GPCPD1: variants seen among roughly 807,000 people sequenced by gnomAD.
GPCPD1 encodes glycerophosphocholine phosphodiesterase GPCPD1.
GPCPD1 carries 29 observed loss-of-function variants against 89.2 expected under a neutral mutation model. That is an observed-to-expected ratio of 0.33 (90% CI 0.24 to 0.44). GPCPD1 has a LOEUF of 0.44. Ranked by LOEUF, GPCPD1 falls within the 20% of genes least tolerant of loss-of-function variation. The pLI is 1.00. For missense variants in GPCPD1, 594 were observed against 808.9 expected (o/e 0.73, Z 3.22); for synonymous variants, 258 against 266.3 (o/e 0.97, Z 0.30).
intron 4 of GPCPD1, among the ~76,000 whole-genome samples, chr20:5,586,938 G>A (rs1978967774): frequency 6.6e-6 from 1 of 152,046 alleles, no homozygotes; most frequent in African/African-American, 2.4e-5. Flanking sequence ...ACTAACATCC[G>A]GTTTCATTCT....
At chr20:5,577,327 G>GT (rs904509189) in intron 8 of GPCPD1, among the ~76,000 whole-genome samples, 12 of 150,900 alleles carry the variant, frequency 8.0e-5, no homozygotes, top group Non-Finnish European at 1.0e-4. Flanking sequence ...GGCCAAAAAC[G>GT]TTTTTTTTAA....
intron 12 of GPCPD1, 103 bp downstream of exon 12, chr20:5,570,044 A>T: frequency 1.8e-6 from 1 of 559,186 alleles, no homozygotes; most frequent in South Asian, 2.7e-5. Flanking sequence ...AAAATGAATT[A>T]ACCAATTCTA....
In GPCPD1 at chr20:5,561,706, A is replaced by G. The variant is rs1051181406; in HGVS notation, c.1330-176T>C. 2.0e-5 allele frequency among the ~76,000 whole-genome samples: 3 copies of G among 152,250 alleles called. No homozygotes were observed. In the East Asian group the frequency reaches 5.8e-4, roughly 29 times the overall value. On this transcript the variant is annotated intron_variant, in intron 15 of 19. Transcript: ENST00000379019. The stretch of plus-strand genomic sequence containing the variant: ...CATACTCAAAGTGACAACCTGGTAG[A>G]TGATTATGTTAAATAAGGTCAAAAG...
At chr20:5,593,154 T>G (rs1056939690) in intron 4 of GPCPD1, among the ~76,000 whole-genome samples, 173 bp downstream of exon 4, 31 of 152,214 alleles carry the variant, frequency 2.0e-4, no homozygotes, top group Admixed American at 1.2e-3. Flanking sequence ...ATGGCAGACA[T>G]CATCTGCCTC....
At position 5,565,084 on chromosome 20, in the gene GPCPD1, AT is replaced by A; in HGVS notation, c.1268-7del. 1 of 1,445,036 alleles carries A rather than the reference AT, an allele frequency of 6.9e-7. No individual in the cohort carries two copies. The highest frequency in any genetic ancestry group is 9.7e-7 in the Non-Finnish European group (1 of 1,026,890). 89.5% of individuals were successfully genotyped at this position (1,445,036 alleles called of 1,614,324 possible). On this transcript the variant is annotated splice_polypyrimidine_tract_variant and splice_region_variant and intron_variant, in intron 14 of 19. Transcript: ENST00000379019. ...TTCCTCCTGAACCACAGATTCTGAA[AT>A]TTTAAAACACAAAATCTCAGTAAAT...
At chr20:5,552,115 A>G (rs1022332777) in intron 19 of GPCPD1, among the ~76,000 whole-genome samples, 3 of 152,178 alleles carry the variant, frequency 2.0e-5, no homozygotes, top group Non-Finnish European at 4.4e-5. Flanking sequence ...TTATTATAAG[A>G]CTTATCAAAC....
intron 19 of GPCPD1, among the ~76,000 whole-genome samples, chr20:5,553,980 TTTTTTTAAGA>T (rs1985594877): frequency 2.2e-5 from 2 of 89,332 alleles, no homozygotes; most frequent in Admixed American, 9.9e-5. Context: ...TTCTTTTCTT[TTTTTTTAAGA>T]CAGAGTCTCG....
At chr20:5,567,121 C>A (rs1600732506) in intron 13 of GPCPD1, among the ~76,000 whole-genome samples, 1 of 151,896 alleles carries the variant, frequency 6.6e-6, no homozygotes, top group South Asian at 2.1e-4. Flanking sequence ...ATATATTTAC[C>A]AACTATTGCA....
At chr20:5,551,439 A>G (rs1985404145) in intron 19 of GPCPD1, among the ~76,000 whole-genome samples, 1 of 152,230 alleles carries the variant, frequency 6.6e-6, no homozygotes, top group South Asian at 2.1e-4. Context: ...GTTCACAGCA[A>G]CACTATAAAA....
rs540005124 is a variant in GPCPD1, at chr20:5,549,407, G to A, written c.1830-1557C>T. 184 of 1,203,820 alleles carry A rather than the reference G, an allele frequency of 1.5e-4. 2 individuals carry two copies. In the South Asian group the frequency reaches 1.7e-3, roughly 11 times the overall value. The allele number at this position is 1,203,820 out of a possible 1,614,324, so 74.6% of individuals were successfully genotyped here. ...AAGGTTAGGACTTCCTCCAAACATC[G>A]TGATTGGTTATCAGTCCCATGCAGA... On this transcript the variant is annotated intron_variant, in intron 19 of 19. Coordinates refer to ENST00000379019, the MANE Select transcript of GPCPD1 (RefSeq NM_019593.5).
chr20:5,600,284 A>G (rs1209251259), intron 2 of GPCPD1, among the ~76,000 whole-genome samples: 2 of 152,252 alleles, frequency 1.3e-5, no homozygotes, highest in Non-Finnish European at 1.5e-5. Flanking sequence ...GGCCGGGCGC[A>G]GTGGCCCATG....
intron 12 of GPCPD1, among the ~76,000 whole-genome samples, chr20:5,569,507 C>CT (rs398088589): frequency 1.3e-5 from 2 of 151,814 alleles, no homozygotes; most frequent in Non-Finnish European, 2.9e-5. Flanking sequence ...GATCCCCCCC[C>CT]GCCATTATGC....
chr20:5,570,317 T>G, intron 11 of GPCPD1, 78 bp from the exon 12 acceptor site: 1 of 705,934 alleles, frequency 1.4e-6, no homozygotes, highest in South Asian at 1.8e-5. Context: ...GTAAGAAATT[T>G]TTGTTCACTA....
chr20:5,609,547 TTGTG>T (rs1476368444), intron 1 of GPCPD1, among the ~76,000 whole-genome samples: 2 of 152,244 alleles, frequency 1.3e-5, no homozygotes, highest in African/African-American at 2.4e-5. Flanking sequence ...TATTATTCTC[TTGTG>T]TATGTTTCAT....
rs547810603 is a variant in GPCPD1, at chr20:5,545,791, C to T, written c.*1870G>A. 1 of 152,396 alleles carries T rather than the reference C, an allele frequency of 6.6e-6. No individual in the cohort carries two copies. The highest frequency in any genetic ancestry group is 1.9e-4 in the East Asian group (1 of 5,190). The allele number at this position is 152,396 out of a possible 1,614,324, so 9.4% of individuals were successfully genotyped here. A position where few individuals can be genotyped will look rare whatever the true frequency, so the allele number is the denominator to read the frequency against. On this transcript the variant is annotated 3_prime_UTR_variant, in exon 20 of 20. Transcript: ENST00000379019. ...GTATTGTAGGCAGTGACTGTCTGCT[C>T]TCCCCAGCAACTAAACTGCTCAGAA... is the stretch of plus-strand genomic sequence containing the variant.
intron 12 of GPCPD1, among the ~76,000 whole-genome samples, chr20:5,568,351 T>C (rs1335825732): frequency 6.6e-6 from 1 of 150,912 alleles, no homozygotes; most frequent in Non-Finnish European, 1.5e-5. Flanking sequence ...CAAGAAACTA[T>C]TAAAAGTAAG....
intron 4 of GPCPD1, among the ~76,000 whole-genome samples, chr20:5,591,865 A>G (rs1979351017): frequency 6.6e-6 from 1 of 152,220 alleles, no homozygotes; most frequent in Non-Finnish European, 1.5e-5. Context: ...CACACGGTAC[A>G]TGTGTACACG....
chr20:5,570,122 T>C, intron 12 of GPCPD1, 25 bp downstream of exon 12: 4 of 1,067,130 alleles, frequency 3.7e-6, no homozygotes, highest in South Asian at 1.4e-5. Flanking sequence ...CATTAAGAGT[T>C]TGAAATGAAG....
At chr20:5,556,069 CTCCA>C (rs1173506820) in intron 19 of GPCPD1, among the ~76,000 whole-genome samples, 1 of 152,162 alleles carries the variant, frequency 6.6e-6, no homozygotes, top group African/African-American at 2.4e-5. Flanking sequence ...AAGCAAGACC[CTCCA>C]GCAGCAAAAT....
Sources: allele counts gnomAD v4.1 joint callset (sites outside exome capture counted in the v4.1 genomes callset), GRCh38; gene constraint gnomAD v4.1.1; transcripts MANE v1.5; gene names NCBI Gene and HGNC (gene_info 2026-07-23, HGNC 2026-07-21).